Variants in FAF1 observed in about 807,000 individuals in gnomAD.
FAF1 encodes the protein FAS-associated factor 1.
FAF1 carries 25 observed loss-of-function variants against 92.5 expected under a neutral mutation model. The observed-to-expected ratio is 0.27, with a 90% CI of 0.20 to 0.38. The LOEUF is 0.38. FAF1 is among the 10% of genes least tolerant of loss of function. FAF1 has a pLI of 1.00. For missense variants in FAF1, 636 were observed against 793.3 expected, an observed-to-expected ratio of 0.80 and a Z score of 2.38; for synonymous variants, 234 against 273.2, an observed-to-expected ratio of 0.86 and a Z score of 1.42.
chr1:50,462,018 A>G (rs1646437394), intron 18 of FAF1, among the ~76,000 whole-genome samples: 2 of 147,978 alleles, frequency 1.4e-5, no homozygotes, highest in African/African-American at 2.5e-5. Context: ...CATTATATAT[A>G]TTTTATATAT....
chr1:50,896,284 A>T (rs1447280081), intron 1 of FAF1, among the ~76,000 whole-genome samples: 1 of 151,144 alleles, frequency 6.6e-6, no homozygotes, highest in African/African-American at 2.4e-5. Context: ...GACCCTGTCT[A>T]AAAAAAAAGA....
intron 2 of FAF1, among the ~76,000 whole-genome samples, chr1:50,834,179 C>G (rs1049809393): frequency 5.3e-5 from 8 of 152,170 alleles, no homozygotes; most frequent in African/African-American, 1.9e-4. Context: ...GTAGGACGTG[C>G]CTGCTTCCCC....
At chr1:50,541,588 A>G (rs1648759826) in intron 13 of FAF1, among the ~76,000 whole-genome samples, 1 of 152,170 alleles carries the variant, frequency 6.6e-6, no homozygotes, top group Middle Eastern at 3.2e-3. Context: ...TCAAAAAAAT[A>G]GTTGGAATGT....
rs1420320595 is a variant in FAF1 at position 50,900,164 on chromosome 1, TCA to T, written c.46-42169_46-42168del. Among the ~76,000 whole-genome samples, 8 of 152,296 alleles carry T rather than the reference TCA, an allele frequency of 5.3e-5. No individual in the cohort carries two copies. In the East Asian group the frequency reaches 1.5e-3, roughly 29 times the overall value. ...TAGGAAACTGTATACATTCTCTCTC[TCA>T]GACACTTACAATGAATTTTAGCATA... On this transcript the variant is annotated intron_variant, in intron 1 of 18. Transcript: ENST00000396153.
At chr1:50,644,317 T>C (rs892845344) in intron 8 of FAF1, among the ~76,000 whole-genome samples, 1 of 152,240 alleles carries the variant, frequency 6.6e-6, no homozygotes, top group Non-Finnish European at 1.5e-5. Flanking sequence ...CTCTACAATG[T>C]GTAGTTGGAA....
chr1:50,456,893 G>C (rs1432003268), intron 18 of FAF1, among the ~76,000 whole-genome samples: 1 of 152,126 alleles, frequency 6.6e-6, no homozygotes, highest in Admixed American at 6.5e-5. Flanking sequence ...TTTCCTCCTT[G>C]TCTCAAACTT....
intron 3 of FAF1, among the ~76,000 whole-genome samples, chr1:50,798,473 A>G (rs1377958091): frequency 6.6e-6 from 1 of 152,248 alleles, no homozygotes; most frequent in Non-Finnish European, 1.5e-5. Flanking sequence ...AATATCTCCA[A>G]AAACAATTTT....
chr1:50,822,077 G>A (rs115344987), intron 2 of FAF1, among the ~76,000 whole-genome samples: 1,750 of 150,646 alleles, frequency 0.012, 12 homozygotes, highest in Non-Finnish European at 0.017. Flanking sequence ...AATTCCAACC[G>A]GCAATCCTAG....
chr1:50,727,448 T>C (rs1190698914), intron 6 of FAF1, among the ~76,000 whole-genome samples: 2 of 152,226 alleles, frequency 1.3e-5, no homozygotes, highest in African/African-American at 4.8e-5. Flanking sequence ...TTTAGAAATG[T>C]GTCACTTTAC....
At position 50,584,722 on chromosome 1, in the gene FAF1, A is replaced by C; in HGVS notation, c.930T>G (p.Phe310Leu). 6.2e-7 allele frequency: 1 copy of C among 1,613,716 alleles called. No individual in the cohort carries two copies. The highest frequency in any genetic ancestry group is 1.1e-5 in the South Asian group (1 of 91,066). Residue 310 changes from phenylalanine (F) to leucine (L), a missense_variant, in exon 10 of 19, where the codon TTT (phenylalanine) becomes TTG (leucine). By Grantham distance (22) the Phe-to-Leu change is conservative (BLOSUM62 0). Transcript: ENST00000396153. Reference protein sequence around the residue: ...TEFGVDDGEVFGMASSALRKS... With the variant: ...TEFGVDDGEVLGMASSALRKS... Reference sequence around the variant, plus strand: ...TTCTCAAGGCAGATGACGCCATGCCAAATACTTCTCCATCATCCACCCCAA... The same window carrying C: ...TTCTCAAGGCAGATGACGCCATGCCCAATACTTCTCCATCATCCACCCCAA...
Position 50,959,986 on chromosome 1 carries a change from G to A in FAF1, c.-175C>T. 2.5e-6 allele frequency: 1 copy of A among 393,810 alleles called. No individual in the cohort carries two copies. The highest frequency in any genetic ancestry group is 4.4e-6 in the Non-Finnish European group (1 of 225,744). 24.4% of individuals were successfully genotyped at this position (393,810 alleles called of 1,614,324 possible). ...GGCGGGGCAGCGCGGGAAGCGCTAG[G>A]CGCTCATGCACTCGGTAACCTTCAG... On this transcript the variant is annotated 5_prime_UTR_variant, in exon 1 of 19. Coordinates refer to ENST00000396153, the MANE Select transcript of FAF1 (RefSeq NM_007051.3).
intron 2 of FAF1, among the ~76,000 whole-genome samples, chr1:50,857,392 CA>C (rs1229586061): frequency 6.6e-6 from 1 of 151,648 alleles, no homozygotes; most frequent in Admixed American, 6.6e-5. Flanking sequence ...TGCCATTATA[CA>C]ATCCATTTTT....
chr1:50,457,724 C>CA (rs35479561), intron 18 of FAF1, among the ~76,000 whole-genome samples: 30,439 of 56,580 alleles, frequency 0.54, 8,979 homozygotes, highest in East Asian at 0.83. Flanking sequence ...CCCATCTCTG[C>CA]AAAAAAAAAA....
At chr1:50,735,519 C>T (rs1211446662) in intron 6 of FAF1, among the ~76,000 whole-genome samples, 1 of 152,092 alleles carries the variant, frequency 6.6e-6, no homozygotes, top group Non-Finnish European at 1.5e-5. Flanking sequence ...ATTTCTTCCC[C>T]TAGAAAGAAA....
At chr1:50,930,810 A>G (rs1238339723) in intron 1 of FAF1, among the ~76,000 whole-genome samples, 2 of 152,244 alleles carry the variant, frequency 1.3e-5, no homozygotes, top group Non-Finnish European at 2.9e-5. Context: ...CAAAAAAGAA[A>G]AAAAAGTAGG....
intron 2 of FAF1, among the ~76,000 whole-genome samples, chr1:50,843,736 C>G: frequency 6.6e-6 from 1 of 151,826 alleles, no homozygotes; most frequent in East Asian, 1.9e-4. Context: ...GAATGATATT[C>G]CATTGTGTGT....
chr1:50,829,058 C>A (rs1644130174), intron 2 of FAF1, among the ~76,000 whole-genome samples: 1 of 152,144 alleles, frequency 6.6e-6, no homozygotes. Context: ...TAATTTAAAA[C>A]CACAATGAAA....
intron 2 of FAF1, among the ~76,000 whole-genome samples, chr1:50,815,337 G>A (rs1643958047): frequency 6.6e-6 from 1 of 152,088 alleles, no homozygotes; most frequent in South Asian, 2.1e-4. Context: ...TTGGTCCTGA[G>A]TTAATTCGCT....
chr1:50,598,252 T>C (rs532876685), intron 8 of FAF1, among the ~76,000 whole-genome samples: 2 of 151,882 alleles, frequency 1.3e-5, no homozygotes, highest in Non-Finnish European at 2.9e-5. Context: ...GCTGTGATCA[T>C]GCCACTGTAC....
Sources: gnomAD v4.1 joint callset for allele counts (sites outside exome capture counted in the v4.1 genomes callset) on GRCh38, gnomAD v4.1.1 for gene constraint, MANE v1.5 for transcripts, NCBI Gene and HGNC (gene_info 2026-07-23, HGNC 2026-07-21) for gene names.